Variants in ARHGAP12 observed in about 807,000 individuals in gnomAD.
The protein encoded by ARHGAP12 is Rho GTPase activating protein 12, also known as rho GTPase-activating protein 12.
In ARHGAP12, 64 loss-of-function variants were observed where a neutral mutation model predicts 108.6. That is an observed-to-expected ratio of 0.59 (90% CI 0.48 to 0.73). The LOEUF (loss-of-function observed/expected upper bound fraction) is 0.73. ARHGAP12 is among the 30% of genes least tolerant of loss of function. The pLI is 0.00. For missense variants in ARHGAP12, 940 were observed against 1,005.9 expected (o/e 0.93, Z 0.89); for synonymous variants, 312 against 337.2 (o/e 0.93, Z 0.82).
chr10:31,845,698 T>C (rs1836431853), intron 6 of ARHGAP12, among the ~76,000 whole-genome samples: 1 of 152,134 alleles, frequency 6.6e-6, no homozygotes, highest in African/African-American at 2.4e-5. Flanking sequence ...GGCACAAGAA[T>C]AGCTTGAATC....
intron 6 of ARHGAP12, among the ~76,000 whole-genome samples, chr10:31,847,685 G>C (rs1363305940): frequency 6.6e-6 from 1 of 152,082 alleles, no homozygotes; most frequent in Non-Finnish European, 1.5e-5. Flanking sequence ...TTAGTGCATA[G>C]GGAGGATGCA....
chr10:31,828,800 T>C, intron 10 of ARHGAP12, among the ~76,000 whole-genome samples: 1 of 152,060 alleles, frequency 6.6e-6, no homozygotes, highest in East Asian at 1.9e-4. Flanking sequence ...ATCTTAAAAA[T>C]AAATGAAGTT....
chr10:31,820,446 T>C lies in ARHGAP12; in HGVS notation c.1573A>G (p.Lys525Glu), dbSNP rs1455665069. The change falls in exon 12 of 20, where the codon AAG becomes GAG. Residue 525 changes from lysine to glutamate, a missense_variant. Lys to Glu is a moderately conservative substitution (Grantham distance 56, BLOSUM62 1). Coordinates refer to ENST00000344936, the MANE Select transcript of ARHGAP12 (RefSeq NM_018287.7). ...QSKPEFTVDLKGATIEMASKD... is the reference protein window; with the variant it reads ...QSKPEFTVDLEGATIEMASKD... ...GAAGCCATCTCAATTGTTGCCCCCTTGAGGTCCACTGTGAACTCTGGTTTG... is the reference window on the plus strand; with the variant it reads ...GAAGCCATCTCAATTGTTGCCCCCTCGAGGTCCACTGTGAACTCTGGTTTG... 2 of 1,612,056 alleles carry C rather than the reference T, an allele frequency of 1.2e-6. No individual in the cohort carries two copies. Among genetic ancestry groups the C allele is most frequent in the Non-Finnish European group, 1.7e-6 (2 of 1,179,182 alleles).
intron 3 of ARHGAP12, among the ~76,000 whole-genome samples, chr10:31,880,915 T>C (rs929268899): frequency 6.8e-6 from 1 of 147,752 alleles, no homozygotes; most frequent in Non-Finnish European, 1.5e-5. Flanking sequence ...AAAAAAAAAT[T>C]AGCCAGGTGT....
rs115535895 is a variant in ARHGAP12 at position 31,890,247 on chromosome 10, C to T, written c.684+17925G>A. On this transcript the variant is annotated intron_variant, in intron 3 of 19. Transcript: ENST00000344936. The stretch of plus-strand genomic sequence containing the variant: ...AGTTTCAACCCAAGTTCAGTCCCCA[C>T]ATTGTCCTAAATTTTAAAAAAGTAA... 7.1e-3 allele frequency among the ~76,000 whole-genome samples: 1,087 copies of T among 152,274 alleles called. 11 individuals are homozygous for T. Among genetic ancestry groups the T allele is most frequent in the African/African-American group, 0.025 (1,044 of 41,554 alleles).
intron 1 of ARHGAP12, among the ~76,000 whole-genome samples, chr10:31,923,682 A>T (rs1403080394): frequency 6.6e-6 from 1 of 152,192 alleles, no homozygotes; most frequent in East Asian, 1.9e-4. Flanking sequence ...CCAGACCAGA[A>T]TCCATAGTAC....
At chr10:31,845,466 CTT>C (rs1836420493) in intron 6 of ARHGAP12, among the ~76,000 whole-genome samples, 1 of 152,032 alleles carries the variant, frequency 6.6e-6, no homozygotes, top group African/African-American at 2.4e-5. Context: ...AATAGATAAA[CTT>C]TAGCATAATG....
At position 31,822,873 on chromosome 10, in the gene ARHGAP12, T is replaced by C. The variant is rs141120204; in HGVS notation, c.1531-2385A>G. On this transcript the variant is annotated intron_variant, in intron 11 of 19. Transcript: ENST00000344936. ...TGGAGATATTTTTAGTTGTCACAAC[T>C]AGAGGCGGAGTGCCAGTCATCTGCT... Among the ~76,000 whole-genome samples, 23 of 152,230 alleles carry C rather than the reference T, an allele frequency of 1.5e-4. No homozygotes were observed. In the East Asian group the frequency reaches 4.4e-3, roughly 29 times the overall value.
chr10:31,896,382 T>C (rs1417036599), intron 3 of ARHGAP12, among the ~76,000 whole-genome samples: 1 of 151,634 alleles, frequency 6.6e-6, no homozygotes, highest in Non-Finnish European at 1.5e-5. Flanking sequence ...TAAAAACTCA[T>C]TATTGCATTT....
intron 6 of ARHGAP12, among the ~76,000 whole-genome samples, chr10:31,845,984 G>A (rs1178088024): frequency 6.6e-6 from 1 of 152,012 alleles, no homozygotes; most frequent in African/African-American, 2.4e-5. Context: ...CGTCCTGTGG[G>A]CTACTTGAGC....
chr10:31,872,876 T>C (rs1837593336), intron 3 of ARHGAP12, among the ~76,000 whole-genome samples: 1 of 152,200 alleles, frequency 6.6e-6, no homozygotes, highest in African/African-American at 2.4e-5. Context: ...CATAATTCTA[T>C]TATTAATGCA....
rs1003524556 is a variant in ARHGAP12, at chr10:31,861,677, T to C, written c.685-19A>G. 6.4e-7 allele frequency: 1 copy of C among 1,565,086 alleles called. No homozygotes were observed. Among genetic ancestry groups the C allele is most frequent in the Non-Finnish European group, 8.6e-7 (1 of 1,161,646 alleles). ...TGGTTGCCTGTGAAATAAACATTTT[T>C]AAATTTCATGTTTAAACTGGTATAA... is the stretch of plus-strand genomic sequence containing the variant. On this transcript the variant is annotated intron_variant, in intron 3 of 19. Coordinates refer to ENST00000344936, the MANE Select transcript of ARHGAP12 (RefSeq NM_018287.7).
intron 3 of ARHGAP12, among the ~76,000 whole-genome samples, chr10:31,899,414 G>A (rs1247602433): frequency 1.3e-5 from 2 of 152,078 alleles, no homozygotes; most frequent in Non-Finnish European, 2.9e-5. Flanking sequence ...AAAAGCAAAA[G>A]ACTTAGAACA....
chr10:31,927,710 A>C (rs1840108643), intron 1 of ARHGAP12, among the ~76,000 whole-genome samples: 1 of 152,242 alleles, frequency 6.6e-6, no homozygotes, highest in Non-Finnish European at 1.5e-5. Flanking sequence ...CTTTGAAAAT[A>C]CATTTACAAA....
intron 7 of ARHGAP12, among the ~76,000 whole-genome samples, chr10:31,842,627 T>C (rs1479451829): frequency 2.6e-5 from 4 of 152,106 alleles, no homozygotes; most frequent in African/African-American, 9.6e-5. Flanking sequence ...AGATTATTTA[T>C]AAAGGAATTT....
At chr10:31,833,333 T>TA (rs2132209446) in intron 9 of ARHGAP12, among the ~76,000 whole-genome samples, 1 of 67,346 alleles carries the variant, frequency 1.5e-5, no homozygotes, top group East Asian at 2.5e-4. Flanking sequence ...TGAATTTGTA[T>TA]TAAAAAAAAA....
Position 31,806,734 on chromosome 10 carries a change from G to A in ARHGAP12, c.*924C>T, listed in dbSNP as rs11551809. The A allele has an allele frequency of 0.031, 4,786 of 152,480 alleles. 103 individuals carry two copies. The highest frequency in any genetic ancestry group is 0.044 in the Non-Finnish European group (3,011 of 67,966). 9.4% of individuals were successfully genotyped at this position (152,480 alleles called of 1,614,324 possible). On this transcript the variant is annotated 3_prime_UTR_variant, in exon 20 of 20. Coordinates refer to ENST00000344936, the MANE Select transcript of ARHGAP12 (RefSeq NM_018287.7). ...CACACAGTTAACTTTCCCAAATAACGGACTATTTCTGGAGGAAACCTAATA... is the reference window on the plus strand; with the variant it reads ...CACACAGTTAACTTTCCCAAATAACAGACTATTTCTGGAGGAAACCTAATA...
intron 3 of ARHGAP12, among the ~76,000 whole-genome samples, chr10:31,864,611 T>C (rs1256927590): frequency 6.6e-6 from 1 of 152,204 alleles, no homozygotes. Flanking sequence ...CGAACAAAAG[T>C]ATGCAAACAT....
chr10:31,841,870 C>T (rs990060261), intron 7 of ARHGAP12, among the ~76,000 whole-genome samples: 1 of 152,052 alleles, frequency 6.6e-6, no homozygotes, highest in Non-Finnish European at 1.5e-5. Flanking sequence ...GGTAGTCAGT[C>T]CCTTTTTCAA....
Sources: allele counts gnomAD v4.1 joint callset (sites outside exome capture counted in the v4.1 genomes callset), GRCh38; gene constraint gnomAD v4.1.1; transcripts MANE v1.5; gene names NCBI Gene and HGNC (gene_info 2026-07-23, HGNC 2026-07-21).